NAF1: variants seen among roughly 807,000 people sequenced by gnomAD.
The protein encoded by NAF1 is H/ACA ribonucleoprotein complex non-core subunit NAF1.
A neutral mutation model predicts 40.6 loss-of-function variants in NAF1; 11 were observed. That is an observed-to-expected ratio of 0.27 (90% CI 0.17 to 0.45). NAF1 has a LOEUF of 0.45. Ranked by LOEUF, NAF1 falls within the 20% of genes least tolerant of loss-of-function variation. The pLI, the probability that NAF1 is intolerant of heterozygous loss-of-function variation, is 1.00. For synonymous variants in NAF1, 260 were observed against 228.5 expected, an observed-to-expected ratio of 1.14 and a Z score of -1.24; for missense variants, 607 against 611.1, an observed-to-expected ratio of 0.99 and a Z score of 0.07.
At chr4:163,134,298 T>G (rs910559521) in intron 6 of NAF1, among the ~76,000 whole-genome samples, 1 of 152,150 alleles carries the variant, frequency 6.6e-6, no homozygotes, top group African/African-American at 2.4e-5. Flanking sequence ...AGAAATAAAA[T>G]GTATATGAAA....
intron 2 of NAF1, among the ~76,000 whole-genome samples, chr4:163,160,533 C>G (rs942041825): frequency 6.6e-6 from 1 of 152,084 alleles, no homozygotes; most frequent in Non-Finnish European, 1.5e-5. Flanking sequence ...TCGCAGAGAT[C>G]GAACAACCCA....
At chr4:163,146,828 T>C (rs1731491310) in intron 3 of NAF1, among the ~76,000 whole-genome samples, 1 of 152,240 alleles carries the variant, frequency 6.6e-6, no homozygotes, top group Admixed American at 6.5e-5. Context: ...TGTGCTGATT[T>C]TGACCCATTT....
chr4:163,109,310 T>G (rs908642677), downstream of NAF1, among the ~76,000 whole-genome samples: 17 of 152,026 alleles, frequency 1.1e-4, no homozygotes, highest in African/African-American at 3.6e-4. Flanking sequence ...TTATCAAATA[T>G]AAAATTTATA....
intron 6 of NAF1, 22 bp from the exon 7 acceptor site, chr4:163,133,278 T>C (rs1730938013): frequency 6.3e-7 from 1 of 1,584,248 alleles, no homozygotes; most frequent in Non-Finnish European, 8.7e-7. Context: ...AAGTATATAA[T>C]AGGTTTATGT....
intron 5 of NAF1, 91 bp downstream of exon 5, chr4:163,140,131 CA>C (rs1731200579): frequency 9.5e-7 from 1 of 1,047,458 alleles, no homozygotes; most frequent in Admixed American, 2.7e-5. Flanking sequence ...AAGACACACA[CA>C]ATATAACTGT....
At chr4:163,141,916 C>T (rs1027277174) in intron 4 of NAF1, 13 of 975,934 alleles carry the variant, frequency 1.3e-5, no homozygotes, top group African/African-American at 1.8e-5. Flanking sequence ...TTCATTAAGG[C>T]GTAAAACAGC....
At chr4:163,145,934 C>A (rs895008872) in intron 3 of NAF1, 70 bp from the exon 4 acceptor site, 2 of 816,716 alleles carry the variant, frequency 2.4e-6, no homozygotes, top group African/African-American at 1.8e-5. Flanking sequence ...AAAATCTAAG[C>A]TTTAATTCCA....
chr4:163,129,542 A>T (rs1179996300), intron 7 of NAF1, among the ~76,000 whole-genome samples, 194 bp from the exon 8 acceptor site: 1 of 152,226 alleles, frequency 6.6e-6, no homozygotes, highest in Non-Finnish European at 1.5e-5. Flanking sequence ...GAACCCAGCA[A>T]GTCAGAAAAC....
chr4:163,110,229 T>C (rs1730118358), exon 3 of NAF1: 1 of 697,792 alleles, frequency 1.4e-6, no homozygotes, highest in Non-Finnish European at 2.6e-6. Flanking sequence ...GAGGATACAG[T>C]ACTCTCCCCT....
rs190708781 is a variant in NAF1, at chr4:163,118,805, G to T, written c.115-8515C>A. ...CTTATTTTATATGAGCATTTGTAAC[G>T]GTCATTGCTACTTGCCCACATTAGG... On this transcript the variant is annotated intron_variant, in intron 2 of 2. Coordinates refer to the NAF1 transcript ENST00000509434. Among the ~76,000 whole-genome samples, 3 of 152,092 alleles carry T rather than the reference G, an allele frequency of 2.0e-5. No individual in the cohort carries two copies. The East Asian group carries it at 5.9e-4, about 30-fold the overall frequency.
intron 3 of NAF1, among the ~76,000 whole-genome samples, chr4:163,147,590 C>A (rs1731520821): frequency 6.6e-6 from 1 of 152,158 alleles, no homozygotes; most frequent in South Asian, 2.1e-4. Flanking sequence ...AACTTTCTCA[C>A]ATGTTTTTAA....
At chr4:163,108,426 A>G (rs141180205), downstream of NAF1, among the ~76,000 whole-genome samples, 457 of 152,336 alleles carry the variant, frequency 3.0e-3, 1 homozygote, top group African/African-American at 9.9e-3. Context: ...AATAGTTGAC[A>G]CCTGGAGAAC....
chr4:163,110,301 G>A, intron 2 of NAF1: 1 of 700,064 alleles, frequency 1.4e-6, no homozygotes, highest in South Asian at 1.5e-5. Flanking sequence ...CTGAAAATAG[G>A]TGAGGTAAAA....
At chr4:163,132,169 T>C (rs781228713) in intron 7 of NAF1, among the ~76,000 whole-genome samples, 2 of 152,194 alleles carry the variant, frequency 1.3e-5, no homozygotes, top group Non-Finnish European at 2.9e-5. Context: ...CTTAGGAAAC[T>C]AAACATGTAA....
Position 163,140,286 on chromosome 4 carries a change from G to A in NAF1, c.815C>T (p.Thr272Ile). Residue 272 changes from threonine (T) to isoleucine (I), a missense_variant, in exon 5 of 8, where the codon ACT (threonine) becomes ATT (isoleucine). Physicochemically the swap from Thr to Ile is moderately conservative, Grantham distance 89. Around this residue, in one of 3 missense-constraint regions of NAF1, gnomAD observed 407 missense variants for 365.5 expected, o/e 1.11. Transcript: ENST00000274054. ...TTTCATTGATGGAGCAAAATACATA[G>A]TCTCCTTTATTTTAATACCTTTACT... ...IESKGIKIKE[T>I]MYFAPSMKDF... The A allele has an allele frequency of 6.2e-7, 1 of 1,606,230 alleles. No individual in the cohort carries two copies. Among genetic ancestry groups the A allele is most frequent in the South Asian group, 1.1e-5 (1 of 89,784 alleles).
At chr4:163,146,731 G>C (rs1731486491) in intron 3 of NAF1, among the ~76,000 whole-genome samples, 1 of 152,186 alleles carries the variant, frequency 6.6e-6, no homozygotes, top group Non-Finnish European at 1.5e-5. Flanking sequence ...AGGACGGCTT[G>C]AGCCCAGGAG....
chr4:163,133,058 G>GA, intron 7 of NAF1, 96 bp downstream of exon 7: 3 of 1,026,566 alleles, frequency 2.9e-6, no homozygotes, highest in Non-Finnish European at 4.4e-6. Context: ...GAGGTAAACA[G>GA]AGAGAACCCA....
chr4:163,166,783 C>A lies in NAF1; in HGVS notation c.-56G>T. On this transcript the variant is annotated 5_prime_UTR_variant, in exon 1 of 8. Coordinates refer to ENST00000274054, the MANE Select transcript of NAF1 (RefSeq NM_138386.3). ...GGATTGGGGCCCCTGGACAAGCTCACGGCTCTCTCCAGAAATAGAAAAACA... is the reference window on the plus strand; with the variant it reads ...GGATTGGGGCCCCTGGACAAGCTCAAGGCTCTCTCCAGAAATAGAAAAACA... The A allele has an allele frequency of 6.3e-7, 1 of 1,599,506 alleles. No individual in the cohort carries two copies. The highest frequency in any genetic ancestry group is 1.1e-5 in the South Asian group (1 of 89,210).
At chr4:163,157,310 A>G (rs1377744579) in intron 2 of NAF1, 1 of 152,102 alleles carries the variant, frequency 6.6e-6, no homozygotes, top group East Asian at 1.9e-4. Flanking sequence ...AGTCCAAACG[A>G]CCAGATTCCA....
Sources: gnomAD v4.1 joint callset for allele counts (sites outside exome capture counted in the v4.1 genomes callset) on GRCh38, gnomAD v4.1.1 for gene constraint, gnomAD v4.1.1 regional missense constraint, MANE v1.5 for transcripts, NCBI Gene and HGNC (gene_info 2026-07-23, HGNC 2026-07-21) for gene names.